The following XKR4 variants were observed in gnomAD, a reference collection of about 807,000 sequenced individuals.
The protein encoded by XKR4 is XK related 4, also known as XK-related protein 4.
XKR4 carries 12 observed loss-of-function variants against 53.9 expected under a neutral mutation model. The ratio of observed to expected loss-of-function variants is 0.22; its 90% CI spans 0.14 to 0.36. The LOEUF (loss-of-function observed/expected upper bound fraction) is 0.36. Among genes scored for constraint, XKR4 ranks in the 10% least tolerant of loss-of-function variants. The pLI is 1.00. For missense variants in XKR4, 799 were observed against 859.5 expected, an observed-to-expected ratio of 0.93 and a Z score of 0.88; for synonymous variants, 354 against 362.4, an observed-to-expected ratio of 0.98 and a Z score of 0.26.
chr8:55,145,534 G>C (rs541787734), intron 1 of XKR4, among the ~76,000 whole-genome samples: 1 of 152,202 alleles, frequency 6.6e-6, no homozygotes, highest in South Asian at 2.1e-4. Flanking sequence ...GCACTGGAGA[G>C]AGTGTCCAAT....
At chr8:55,325,847 A>G (rs1433085355) in intron 1 of XKR4, among the ~76,000 whole-genome samples, 1 of 152,242 alleles carries the variant, frequency 6.6e-6, no homozygotes, top group Non-Finnish European at 1.5e-5. Context: ...AATTTTTACA[A>G]AAGAATAAGA....
At chr8:55,369,692 A>C (rs530722809) in intron 2 of XKR4, among the ~76,000 whole-genome samples, 1 of 152,234 alleles carries the variant, frequency 6.6e-6, no homozygotes, top group South Asian at 2.1e-4. Flanking sequence ...TTAAAATAGA[A>C]TCAATATTGG....
chr8:55,206,898 G>A (rs1218281745), intron 1 of XKR4, among the ~76,000 whole-genome samples: 1 of 152,212 alleles, frequency 6.6e-6, no homozygotes, highest in Non-Finnish European at 1.5e-5. Context: ...CATTCTTGCA[G>A]GAATGGGAAT....
intron 2 of XKR4, among the ~76,000 whole-genome samples, chr8:55,376,303 A>T (rs112641821): frequency 0.061 from 9,338 of 152,284 alleles, 417 homozygotes; most frequent in Non-Finnish European, 0.085. Context: ...AGGAATCACC[A>T]CACTGTCTTC....
chr8:55,318,415 T>C (rs1283724274), intron 1 of XKR4, among the ~76,000 whole-genome samples: 1 of 152,200 alleles, frequency 6.6e-6, no homozygotes, highest in Non-Finnish European at 1.5e-5. Context: ...CTAGAAGAAG[T>C]ACAGGAGGAT....
At chr8:55,395,172 T>C (rs1175849476) in intron 2 of XKR4, among the ~76,000 whole-genome samples, 1 of 152,036 alleles carries the variant, frequency 6.6e-6, no homozygotes, top group African/African-American at 2.4e-5. Context: ...GAAGTGATTT[T>C]GGGAGAAGGA....
At chr8:55,178,100 C>T (rs1453772460) in intron 1 of XKR4, among the ~76,000 whole-genome samples, 6 of 152,172 alleles carry the variant, frequency 3.9e-5, no homozygotes, top group South Asian at 2.1e-4. Flanking sequence ...TTTCCAAGGT[C>T]GCTCACATTC....
chr8:55,187,965 A>G (rs1283311268), intron 1 of XKR4, among the ~76,000 whole-genome samples: 1 of 152,216 alleles, frequency 6.6e-6, no homozygotes, highest in African/African-American at 2.4e-5. Context: ...GTACTTGGAA[A>G]TTTAAGTGCT....
At chr8:55,499,163 A>G (rs1806400175) in intron 2 of XKR4, among the ~76,000 whole-genome samples, 1 of 152,264 alleles carries the variant, frequency 6.6e-6, no homozygotes, top group African/African-American at 2.4e-5. Context: ...TATAGAAACT[A>G]TAGGCACCAA....
At chr8:55,400,784 G>A (rs1043464974) in intron 2 of XKR4, among the ~76,000 whole-genome samples, 3 of 152,178 alleles carry the variant, frequency 2.0e-5, no homozygotes, top group African/African-American at 4.8e-5. Flanking sequence ...ATCTGGGGTG[G>A]TCGTGCCTTG....
intron 1 of XKR4, among the ~76,000 whole-genome samples, chr8:55,174,753 C>T (rs1817209464): frequency 6.6e-6 from 1 of 152,118 alleles, no homozygotes; most frequent in South Asian, 2.1e-4. Flanking sequence ...CAGGATAATC[C>T]TGCACCACTT....
At chr8:55,452,411 AGCTGGGAGCAGT>A (rs1292100269) in intron 2 of XKR4, 1 of 625,222 alleles carries the variant, frequency 1.6e-6, no homozygotes, top group Non-Finnish European at 2.9e-6. Context: ...GGGCGCCCTC[AGCTGGGAGCAGT>A]GCTGGCCACC....
chr8:55,478,727 A>C (rs1292394019), intron 2 of XKR4, among the ~76,000 whole-genome samples: 3 of 152,118 alleles, frequency 2.0e-5, no homozygotes, highest in African/African-American at 2.4e-5. Flanking sequence ...AATGGAAAAC[A>C]AAAAAAGGCA....
Position 55,341,543 on chromosome 8 carries a change from T to C in XKR4, c.807-16135T>C, listed in dbSNP as rs149873392. On this transcript the variant is annotated intron_variant, in intron 1 of 2. Transcript: ENST00000327381. ...TCCTTCTGTCCCTTTCCAGTAAGGA[T>C]ATTTCTGACTACTCTGCAATGAAGA... Among the ~76,000 whole-genome samples, 10 of 152,290 alleles carry C rather than the reference T, an allele frequency of 6.6e-5. No individual in the cohort carries two copies. The East Asian group carries it at 1.9e-3, about 29-fold the overall frequency.
At chr8:55,301,328 T>C (rs936243330) in intron 1 of XKR4, among the ~76,000 whole-genome samples, 6 of 151,976 alleles carry the variant, frequency 3.9e-5, no homozygotes, top group African/African-American at 1.2e-4. Context: ...CATGAACTCT[T>C]CATTTTTTAT....
intron 1 of XKR4, among the ~76,000 whole-genome samples, chr8:55,315,187 C>T (rs1819453381): frequency 6.6e-6 from 1 of 152,122 alleles, no homozygotes; most frequent in Non-Finnish European, 1.5e-5. Flanking sequence ...TAGCAGGTAG[C>T]TTTAGCACTC....
intron 2 of XKR4, chr8:55,454,891 C>T: frequency 2.6e-6 from 2 of 765,902 alleles, no homozygotes; most frequent in South Asian, 2.8e-5. Context: ...GTTTCCTGCT[C>T]CCAGAAGGTC....
At chr8:55,339,940 A>T (rs185898895) in intron 1 of XKR4, among the ~76,000 whole-genome samples, 1 of 152,346 alleles carries the variant, frequency 6.6e-6, no homozygotes, top group East Asian at 1.9e-4. Context: ...CTATGACCTG[A>T]AAAAGAAAAT....
At chr8:55,176,329 G>A (rs142156856) in intron 1 of XKR4, among the ~76,000 whole-genome samples, 1,670 of 152,300 alleles carry the variant, frequency 0.011, 9 homozygotes, top group African/African-American at 0.011. Flanking sequence ...TGTGGGGTTC[G>A]CTCTGCTAGC....
Sources: allele counts gnomAD v4.1 joint callset (sites outside exome capture counted in the v4.1 genomes callset), GRCh38; gene constraint gnomAD v4.1.1; transcripts MANE v1.5; gene names NCBI Gene and HGNC (gene_info 2026-07-23, HGNC 2026-07-21).